Variants in LCE6A observed in about 807,000 individuals in gnomAD.
LCE6A encodes late cornified envelope protein 6A.
For missense variants in LCE6A, 105 were observed against 95.3 expected (o/e 1.10, Z -0.42); for synonymous variants, 38 against 35.2 (o/e 1.08, Z -0.28).
chr1:152,843,969 G>A lies in LCE6A; in HGVS notation c.*206G>A. The A allele has an allele frequency of 2.0e-6, 1 of 499,360 alleles. No homozygotes were observed. Among genetic ancestry groups the A allele is most frequent in the East Asian group, 3.4e-5 (1 of 28,998 alleles). The allele number at this position is 499,360 out of a possible 1,614,324, so 30.9% of individuals were successfully genotyped here. A position where few individuals can be genotyped will look rare whatever the true frequency, so the allele number is the denominator to read the frequency against. On this transcript the variant is annotated 3_prime_UTR_variant, in exon 2 of 2. Transcript: ENST00000431011. Reference sequence around the variant, plus strand: ...ACCCCTTCAGCTCAGCAACAATAAAGCTGCTTTACTTGGAGCCCTGACTTC... The same window carrying A: ...ACCCCTTCAGCTCAGCAACAATAAAACTGCTTTACTTGGAGCCCTGACTTC...
chr1:152,843,462 A>G (rs1647904604), intron 1 of LCE6A, 38 bp from the exon 2 acceptor site: 9 of 1,455,084 alleles, frequency 6.2e-6, no homozygotes, highest in Non-Finnish European at 7.3e-6. Context: ...CAGAAGCCCA[A>G]GCTGCCTGGG....
At position 152,843,622 on chromosome 1, in the gene LCE6A, T is replaced by G. The variant is rs1261243872; in HGVS notation, c.102T>G (p.Cys34Trp). The G allele has an allele frequency of 6.4e-7, 1 of 1,551,590 alleles. No homozygotes were observed. Among genetic ancestry groups the G allele is most frequent in the South Asian group, 1.2e-5 (1 of 84,054 alleles). The change falls in exon 2 of 2, where the codon TGT becomes TGG. Residue 34 changes from cysteine to tryptophan, a missense_variant. Coordinates refer to ENST00000431011, the MANE Select transcript of LCE6A (RefSeq NM_001128600.2). ...NPCLAPYSTP[C>W]GAPHSEGCHS... ...GCCTAGCTCCCTACTCGACTCCTTG[T>G]GGTGCTCCCCATTCAGAAGGTTGTC...
In LCE6A at chr1:152,843,412, G is replaced by A. The variant is rs1223392949; in HGVS notation, c.-21-88G>A. 10 of 1,197,694 alleles carry A rather than the reference G, an allele frequency of 8.3e-6. No homozygotes were observed. In the African/African-American group the frequency reaches 1.2e-4, roughly 15 times the overall value. The allele number at this position is 1,197,694 out of a possible 1,614,324, so 74.2% of individuals were successfully genotyped here. A position where few individuals can be genotyped will look rare whatever the true frequency, so the allele number is the denominator to read the frequency against. On this transcript the variant is annotated intron_variant, in intron 1 of 1. Transcript: ENST00000431011. ...GGAGTTCAGTGGGTTGTAAATGCTG[G>A]ACTTCATTTTTGACAGCTCCAGTTT... is the stretch of plus-strand genomic sequence containing the variant.
Position 152,843,653 on chromosome 1 carries a change from A to G in LCE6A, c.133A>G (p.Ser45Gly). The part of the protein sequence containing the change: ...GAPHSEGCHS[S>G]SQRPEVQKPR... ...TCCCCATTCAGAAGGTTGTCATTCCAGTTCCCAAAGGCCTGAGGTTCAGAA... is the reference window on the plus strand; with the variant it reads ...TCCCCATTCAGAAGGTTGTCATTCCGGTTCCCAAAGGCCTGAGGTTCAGAA... Residue 45 changes from serine (S) to glycine (G), a missense_variant, in exon 2 of 2, where the codon AGT becomes GGT. Ser to Gly is a moderately conservative substitution (Grantham distance 56, BLOSUM62 0). Transcript: ENST00000431011. 2 of 1,551,470 alleles carry G rather than the reference A, an allele frequency of 1.3e-6. No homozygotes were observed. The highest frequency in any genetic ancestry group is 3.9e-5 in the Admixed American group (2 of 50,996).
rs1172393969 is a variant in LCE6A, at chr1:152,843,776, T to G, written c.*13T>G. The G allele has an allele frequency of 1.3e-6, 2 of 1,539,074 alleles. No homozygotes were observed. Among genetic ancestry groups the G allele is most frequent in the East Asian group, 4.9e-5 (2 of 40,728 alleles). On this transcript the variant is annotated 3_prime_UTR_variant, in exon 2 of 2. Transcript: ENST00000431011. Reference sequence around the variant, plus strand: ...TGAAGGCGACTGAGCCCAGAAGAGTTGAGGCACAGGTGCAGTTACTCTCTC... The same window carrying G: ...TGAAGGCGACTGAGCCCAGAAGAGTGGAGGCACAGGTGCAGTTACTCTCTC...
rs978754200 is a variant in LCE6A at position 152,843,785 on chromosome 1, G to A, written c.*22G>A. ...CTGAGCCCAGAAGAGTTGAGGCACA[G>A]GTGCAGTTACTCTCTCCCTGCCCCA... On this transcript the variant is annotated 3_prime_UTR_variant, in exon 2 of 2. Coordinates refer to ENST00000431011, the MANE Select transcript of LCE6A (RefSeq NM_001128600.2). 2 of 1,530,472 alleles carry A rather than the reference G, an allele frequency of 1.3e-6. No homozygotes were observed. The highest frequency in any genetic ancestry group is 4.9e-5 in the East Asian group (2 of 40,626). The allele number at this position is 1,530,472 out of a possible 1,614,324, so 94.8% of individuals were successfully genotyped here.
chr1:152,843,612 C>T lies in LCE6A; in HGVS notation c.92C>T (p.Ser31Leu), dbSNP rs370823201. ...TCAAACCCCTGCCTAGCTCCCTACT[C>T]GACTCCTTGTGGTGCTCCCCATTCA... is the stretch of plus-strand genomic sequence containing the variant. ...QRSNPCLAPYSTPCGAPHSEG... is the reference protein window; with the variant it reads ...QRSNPCLAPYLTPCGAPHSEG... The change falls in exon 2 of 2, where the codon TCG (serine) becomes TTG (leucine). Residue 31 changes from serine (S) to leucine (L), a missense_variant. Transcript: ENST00000431011. 3.9e-6 allele frequency: 6 copies of T among 1,551,550 alleles called. No individual in the cohort carries two copies. The highest frequency in any genetic ancestry group is 2.4e-5 in the East Asian group (1 of 40,912).
rs555411255 is a variant in LCE6A, at chr1:152,843,862, G to C, written c.*99G>C. 4.6e-5 allele frequency: 63 copies of C among 1,376,814 alleles called. No individual in the cohort carries two copies. In the African/African-American group the frequency reaches 9.2e-4, roughly 20 times the overall value. The allele number at this position is 1,376,814 out of a possible 1,614,324, so 85.3% of individuals were successfully genotyped here. ...AAGCCAGGCCCTCAACCTCTCATTT[G>C]GACTGAGAAACACTTCCTGATCCCC... On this transcript the variant is annotated 3_prime_UTR_variant, in exon 2 of 2. Coordinates refer to ENST00000431011, the MANE Select transcript of LCE6A (RefSeq NM_001128600.2).
At position 152,843,629 on chromosome 1, in the gene LCE6A, C is replaced by A. The variant is rs1446712580; in HGVS notation, c.109C>A (p.Pro37Thr). The A allele has an allele frequency of 5.2e-6, 8 of 1,551,596 alleles. No homozygotes were observed. The highest frequency in any genetic ancestry group is 7.0e-6 in the Non-Finnish European group (8 of 1,146,922). ...LAPYSTPCGAPHSEGCHSSSQ... is the reference protein window; with the variant it reads ...LAPYSTPCGATHSEGCHSSSQ... ...TCCCTACTCGACTCCTTGTGGTGCT[C>A]CCCATTCAGAAGGTTGTCATTCCAG... The change falls in exon 2 of 2, where the codon CCC (proline) becomes ACC (threonine). Residue 37 changes from proline to threonine, a missense_variant. By Grantham distance (38) the Pro-to-Thr change is conservative. Transcript: ENST00000431011.
rs551383683 is a variant in LCE6A, at chr1:152,843,763, A to C, written c.243A>C (p.Ter81CysextTer5). 1.3e-6 allele frequency: 2 copies of C among 1,544,962 alleles called. No individual in the cohort carries two copies. Among genetic ancestry groups the C allele is most frequent in the African/African-American group, 2.7e-5 (2 of 72,892 alleles). Residue 81 changes from the stop codon to cysteine (C), a stop_lost, in exon 2 of 2, where the codon TGA (stop) becomes TGC (cysteine). Coordinates refer to ENST00000431011, the MANE Select transcript of LCE6A (RefSeq NM_001128600.2). The stretch of plus-strand genomic sequence containing the variant: ...AAGAGGAAGAGTGTGAAGGCGACTG[A>C]GCCCAGAAGAGTTGAGGCACAGGTG... ...HCKEEECEGD* is the reference protein window; with the variant it reads ...HCKEEECEGDC
At chr1:152,843,268 T>C (rs991406988) in intron 1 of LCE6A, among the ~76,000 whole-genome samples, 5 of 148,802 alleles carry the variant, frequency 3.4e-5, no homozygotes, top group Non-Finnish European at 7.4e-5. Context: ...GTACAATTTG[T>C]CTTTTTTTTT....
Position 152,843,821 on chromosome 1 carries a change from C to T in LCE6A, c.*58C>T. Reference sequence around the variant, plus strand: ...TCTCTCCCTGCCCCACCTTTGGGTACTAATTCCCCCTTGGAAAGCCAGGCC... The same window carrying T: ...TCTCTCCCTGCCCCACCTTTGGGTATTAATTCCCCCTTGGAAAGCCAGGCC... On this transcript the variant is annotated 3_prime_UTR_variant, in exon 2 of 2. Transcript: ENST00000431011. 2.7e-6 allele frequency: 4 copies of T among 1,475,298 alleles called. No individual in the cohort carries two copies. The highest frequency in any genetic ancestry group is 3.6e-6 in the Non-Finnish European group (4 of 1,110,424). The allele number at this position is 1,475,298 out of a possible 1,614,324, so 91.4% of individuals were successfully genotyped here. A position where few individuals can be genotyped will look rare whatever the true frequency, so the allele number is the denominator to read the frequency against.
chr1:152,842,887 T>G lies in LCE6A; in HGVS notation c.-146T>G, dbSNP rs1239606644. 1 of 152,342 alleles carries G rather than the reference T, an allele frequency of 6.6e-6. No homozygotes were observed. Among genetic ancestry groups the G allele is most frequent in the Non-Finnish European group, 1.5e-5 (1 of 68,148 alleles). The allele number at this position is 152,342 out of a possible 1,614,324, so 9.4% of individuals were successfully genotyped here. ...CCTCCAGACTCCTCCTGGGATAACT[T>G]GTCCACACATCTTCCACTAGGGTAA... On this transcript the variant is annotated 5_prime_UTR_variant, in exon 1 of 2. Coordinates refer to ENST00000431011, the MANE Select transcript of LCE6A (RefSeq NM_001128600.2).
chr1:152,843,414 C>T, intron 1 of LCE6A, 86 bp from the exon 2 acceptor site: 1 of 1,244,006 alleles, frequency 8.0e-7, no homozygotes, highest in East Asian at 2.6e-5. Context: ...AAATGCTGGA[C>T]TTCATTTTTG....
Position 152,843,690 on chromosome 1 carries a change from C to T in LCE6A, c.170C>T (p.Ala57Val). The change falls in exon 2 of 2, where the codon GCT becomes GTT. Residue 57 changes from alanine to valine, a missense_variant. Ala to Val is a moderately conservative substitution (Grantham distance 64). Transcript: ENST00000431011. ...QRPEVQKPRR[A>V]RQKLRCLSRG... ...CCTGAGGTTCAGAAGCCTAGGAGGG[C>T]TCGTCAAAAGCTGCGCTGCCTAAGT... 2 of 1,551,490 alleles carry T rather than the reference C, an allele frequency of 1.3e-6. No homozygotes were observed. The highest frequency in any genetic ancestry group is 1.7e-6 in the Non-Finnish European group (2 of 1,146,860).
rs1406850577 is a variant in LCE6A at position 152,843,504 on chromosome 1, G to A, written c.-17G>A. On this transcript the variant is annotated 5_prime_UTR_variant, in exon 2 of 2. Coordinates refer to ENST00000431011, the MANE Select transcript of LCE6A (RefSeq NM_001128600.2). ...ATATAACTATTTTTCTTCCAGATTC[G>A]ACCTGGTAGCCAAGCAATGTCACAG... The A allele has an allele frequency of 4.6e-6, 7 of 1,507,274 alleles. No homozygotes were observed. Among genetic ancestry groups the A allele is most frequent in the African/African-American group, 2.8e-5 (2 of 71,000 alleles). The allele number at this position is 1,507,274 out of a possible 1,614,324, so 93.4% of individuals were successfully genotyped here. A position where few individuals can be genotyped will look rare whatever the true frequency, so the allele number is the denominator to read the frequency against.
intron 1 of LCE6A, 36 bp from the exon 2 acceptor site, chr1:152,843,464 C>G (rs958716590): frequency 7.6e-6 from 11 of 1,455,004 alleles, no homozygotes; most frequent in Non-Finnish European, 1.0e-5. Context: ...GAAGCCCAAG[C>G]TGCCTGGGTC....
rs1462730431 is a variant in LCE6A, at chr1:152,843,486, T to C, written c.-21-14T>C. 1.3e-6 allele frequency: 2 copies of C among 1,488,676 alleles called. No individual in the cohort carries two copies. Among genetic ancestry groups the C allele is most frequent in the Non-Finnish European group, 1.8e-6 (2 of 1,116,762 alleles). The allele number at this position is 1,488,676 out of a possible 1,614,324, so 92.2% of individuals were successfully genotyped here. On this transcript the variant is annotated splice_polypyrimidine_tract_variant and intron_variant, in intron 1 of 1. Transcript: ENST00000431011. ...AAGCTGCCTGGGTCCCTGATATAAC[T>C]ATTTTTCTTCCAGATTCGACCTGGT...
At position 152,843,716 on chromosome 1, in the gene LCE6A, A is replaced by G. The variant is rs2101606270; in HGVS notation, c.196A>G (p.Arg66Gly). ...TCGTCAAAAGCTGCGCTGCCTAAGT[A>G]GGGGCACAACCTACCACTGCAAAGA... Reference protein sequence around the residue: ...RARQKLRCLSRGTTYHCKEEE... With the variant: ...RARQKLRCLSGGTTYHCKEEE... The change falls in exon 2 of 2, where the codon AGG becomes GGG. Residue 66 changes from arginine (R) to glycine (G), a missense_variant. Physicochemically the swap from Arg to Gly is moderately radical, Grantham distance 125. Transcript: ENST00000431011. 1.9e-6 allele frequency: 3 copies of G among 1,551,452 alleles called. No individual in the cohort carries two copies. Among genetic ancestry groups the G allele is most frequent in the South Asian group, 1.2e-5 (1 of 84,048 alleles).
Sources: allele counts gnomAD v4.1 joint callset (sites outside exome capture counted in the v4.1 genomes callset), GRCh38; gene constraint gnomAD v4.1.1; transcripts MANE v1.5; gene names NCBI Gene and HGNC (gene_info 2026-07-23, HGNC 2026-07-21).